Variants in NEUROD1 observed in about 807,000 individuals in gnomAD.
NEUROD1 encodes neurogenic differentiation factor 1.
NEUROD1 carries 9 observed loss-of-function variants against 21.8 expected under a neutral mutation model. That is an observed-to-expected ratio of 0.41 (90% CI 0.25 to 0.72). The LOEUF (loss-of-function observed/expected upper bound fraction) is 0.72. Ranked by LOEUF, NEUROD1 falls within the 30% of genes least tolerant of loss-of-function variation. NEUROD1 has a pLI of 0.31. For synonymous variants in NEUROD1, 199 were observed against 186.2 expected (o/e 1.07, Z -0.56); for missense variants, 434 against 468.8 (o/e 0.93, Z 0.69).
At chr2:181,670,534 C>T (rs1688483555) in exon 2 of NEUROD1, among the ~76,000 whole-genome samples, 1 of 152,078 alleles carries the variant, frequency 6.6e-6, no homozygotes, top group South Asian at 2.1e-4. Flanking sequence ...CTATCAGTTT[C>T]CTAGGGCTGC....
At position 181,670,390 on chromosome 2, in the gene NEUROD1, C is replaced by T. The variant is rs192188183; in HGVS notation, n.3556G>A. Among the ~76,000 whole-genome samples the T allele has an allele frequency of 2.7e-3, 417 of 152,088 alleles. 2 individuals carry two copies. The highest frequency in any genetic ancestry group is 9.3e-3 in the African/African-American group (387 of 41,478). The stretch of plus-strand genomic sequence containing the variant: ...TGTCAGCTTGTTTAAATGTCAAACC[C>T]GATACCAACTACGTATACTGGTTGT... On this transcript the variant is annotated non_coding_transcript_exon_variant, in exon 2 of 2. Transcript: ENST00000496876.
Position 181,678,423 on chromosome 2 carries a change from G to A in NEUROD1, c.438C>T (p.Ala146=). ...CCGACAGAGCCCAGATGTAGTTCTT[G>A]GCCAAGCGCAGAGTCTCGATTTTGG... ...KLSKIETLRL[A]KNYIWALSEI... Residue 146 remains alanine (A), a synonymous_variant, in exon 2 of 2, where the codon GCC becomes GCT. Transcript: ENST00000295108. The surrounding 1 kb of genome is among the most constrained non-coding windows in gnomAD (Gnocchi z 5.5). 6.2e-7 allele frequency: 1 copy of A among 1,614,204 alleles called. No homozygotes were observed. Among genetic ancestry groups the A allele is most frequent in the Non-Finnish European group, 8.5e-7 (1 of 1,180,032 alleles).
Position 181,678,143 on chromosome 2 carries a change from A to C in NEUROD1, c.718T>G (p.Phe240Val). 2 of 1,614,176 alleles carry C rather than the reference A, an allele frequency of 1.2e-6. No homozygotes were observed. The highest frequency in any genetic ancestry group is 1.3e-5 in the African/African-American group (1 of 75,054). Residue 240 changes from phenylalanine to valine, a missense_variant, in exon 2 of 2, where the codon TTC (phenylalanine) becomes GTC (valine). Physicochemically the swap from Phe to Val is conservative, Grantham distance 50. Coordinates refer to ENST00000295108, the MANE Select transcript of NEUROD1 (RefSeq NM_002500.5). The surrounding 1 kb of genome is among the most constrained non-coding windows in gnomAD (Gnocchi z 5.5). ...GCGTGCGGCGGAGGCTTAACGTGGA[A>C]GACATGGGAGCTGTCCATGGTACCG... is the stretch of plus-strand genomic sequence containing the variant. Reference protein sequence around the residue: ...PYGTMDSSHVFHVKPPPHAYS... With the variant: ...PYGTMDSSHVVHVKPPPHAYS...
chr2:181,673,268 A>G (rs1304728233), downstream of NEUROD1: 2 of 152,250 alleles, frequency 1.3e-5, no homozygotes, highest in African/African-American at 4.8e-5. Context: ...GTGTATGTGA[A>G]GAGAGTCCAT....
chr2:181,671,959 T>C (rs1688505664), downstream of NEUROD1, among the ~76,000 whole-genome samples: 1 of 152,184 alleles, frequency 6.6e-6, no homozygotes, highest in Admixed American at 6.5e-5. Flanking sequence ...AAAGATAGTA[T>C]TGATGTGCTA....
rs547506483 is a variant in NEUROD1 at position 181,679,219 on chromosome 2, T to A, written c.-11-348A>T. ...ATGTGTGTGGAAATGACTGTACATTTCAGCGACTTCATGTTTATCCAAATG... is the reference window on the plus strand; with the variant it reads ...ATGTGTGTGGAAATGACTGTACATTACAGCGACTTCATGTTTATCCAAATG... On this transcript the variant is annotated intron_variant, in intron 1 of 1. Transcript: ENST00000295108. 2.0e-5 allele frequency among the ~76,000 whole-genome samples: 3 copies of A among 152,054 alleles called. No individual in the cohort carries two copies. The South Asian group carries it at 6.2e-4, about 32-fold the overall frequency.
Position 181,678,432 on chromosome 2 carries a change from CAG to C in NEUROD1, c.427_428del (p.Leu143AlafsTer55), listed in dbSNP as rs1485945978. 3 of 1,614,230 alleles carry C rather than the reference CAG, an allele frequency of 1.9e-6. No homozygotes were observed. The highest frequency in any genetic ancestry group is 2.5e-6 in the Non-Finnish European group (3 of 1,180,048). On this transcript the variant is annotated frameshift_variant, in exon 2 of 2. Coordinates refer to ENST00000295108, the MANE Select transcript of NEUROD1 (RefSeq NM_002500.5). LOFTEE classifies it high-confidence loss of function. This position sits in a 1 kb window ranked among gnomAD's most constrained non-coding sequence, Gnocchi z 5.5. ...CCCAGATGTAGTTCTTGGCCAAGCG[CAG>C]AGTCTCGATTTTGGACAGCTTCTGC... Reference protein sequence around the residue: ...KTQKLSKIETLRLAKNYIWAL... With the variant: ...KTQKLSKIETXRLAKNYIWAL...
downstream of NEUROD1, among the ~76,000 whole-genome samples, chr2:181,674,130 A>G (rs567345794): frequency 6.6e-6 from 1 of 152,308 alleles, no homozygotes; most frequent in Admixed American, 6.5e-5. Flanking sequence ...TATTTAGCCC[A>G]ATTTCATCTT....
chr2:181,669,554 T>G (rs1356245041), downstream of NEUROD1, among the ~76,000 whole-genome samples: 1 of 152,226 alleles, frequency 6.6e-6, no homozygotes, highest in East Asian at 1.9e-4. Context: ...AATAAAGTCT[T>G]CTTGCATAAC....
intron 1 of NEUROD1, among the ~76,000 whole-genome samples, chr2:181,679,075 G>A (rs1368156413): frequency 6.6e-6 from 1 of 152,208 alleles, no homozygotes; most frequent in Non-Finnish European, 1.5e-5. Context: ...TAGTACGTAG[G>A]AGTGAGGACA....
Position 181,678,034 on chromosome 2 carries a change from G to C in NEUROD1, c.827C>G (p.Pro276Arg). The C allele has an allele frequency of 1.2e-6, 2 of 1,614,174 alleles. No homozygotes were observed. Among genetic ancestry groups the C allele is most frequent in the Non-Finnish European group, 1.7e-6 (2 of 1,180,022 alleles). Reference protein sequence around the residue: ...SPSFDGPLSPPLSINGNFSFK... With the variant: ...SPSFDGPLSPRLSINGNFSFK... ...AGAGAAGTTGCCATTGATGCTGAGC[G>C]GCGGGCTGAGGGGTCCATCAAAGGA... is the stretch of plus-strand genomic sequence containing the variant. Residue 276 changes from proline (P) to arginine (R), a missense_variant, in exon 2 of 2, where the codon CCG (proline) becomes CGG (arginine). Transcript: ENST00000295108. The surrounding 1 kb of genome is among the most constrained non-coding windows in gnomAD (Gnocchi z 5.5).
Position 181,678,522 on chromosome 2 carries a change from G to T in NEUROD1, c.339C>A (p.Arg113=), listed in dbSNP as rs747728930. The T allele has an allele frequency of 2.5e-6, 4 of 1,614,134 alleles. No homozygotes were observed. In the East Asian group the frequency reaches 8.9e-5, roughly 36 times the overall value. The change falls in exon 2 of 2, where the codon CGC becomes CGA. Residue 113 remains arginine (R), a synonymous_variant. Coordinates refer to ENST00000295108, the MANE Select transcript of NEUROD1 (RefSeq NM_002500.5). The surrounding 1 kb of genome is among the most constrained non-coding windows in gnomAD (Gnocchi z 5.5). The part of the protein sequence containing the change: ...RMKANARERN[R]MHGLNAALDN... ...CTAGCGCCGCGTTCAGTCCGTGCATGCGGTTCCGCTCCCGGGCGTTAGCCT... is the reference window on the plus strand; with the variant it reads ...CTAGCGCCGCGTTCAGTCCGTGCATTCGGTTCCGCTCCCGGGCGTTAGCCT...
chr2:181,676,611 G>T lies in NEUROD1; in HGVS notation c.*1179C>A, dbSNP rs1393457882. On this transcript the variant is annotated 3_prime_UTR_variant, in exon 2 of 2. Transcript: ENST00000295108. Reference sequence around the variant, plus strand: ...CACATCTCAAACAGCACTTATTCTGGACTGCATTTTACATGCAATAGCTAT... The same window carrying T: ...CACATCTCAAACAGCACTTATTCTGTACTGCATTTTACATGCAATAGCTAT... 1 of 152,502 alleles carries T rather than the reference G, an allele frequency of 6.6e-6. No homozygotes were observed. The allele number at this position is 152,502 out of a possible 1,614,324, so 9.4% of individuals were successfully genotyped here.
Position 181,678,610 on chromosome 2 carries a change from C to G in NEUROD1, c.251G>C (p.Arg84Pro). 1 of 1,614,160 alleles carries G rather than the reference C, an allele frequency of 6.2e-7. No homozygotes were observed. Among genetic ancestry groups the G allele is most frequent in the Non-Finnish European group, 8.5e-7 (1 of 1,180,020 alleles). The change falls in exon 2 of 2, where the codon CGC (arginine) becomes CCC (proline). Residue 84 changes from arginine to proline, a missense_variant. Physicochemically the swap from Arg to Pro is moderately radical, Grantham distance 103 (BLOSUM62 -2). Transcript: ENST00000295108. This position sits in a 1 kb window ranked among gnomAD's most constrained non-coding sequence, Gnocchi z 5.5. ...EEDDDQKPKR[R>P]GPKKKKMTKA... The stretch of plus-strand genomic sequence containing the variant: ...AGTCATCTTCTTCTTTTTGGGGCCG[C>G]GTCTCTTGGGCTTTTGATCGTCATC...
exon 2 of NEUROD1, among the ~76,000 whole-genome samples, chr2:181,670,913 G>A (rs1688488540): frequency 6.6e-6 from 1 of 151,900 alleles, no homozygotes; most frequent in African/African-American, 2.4e-5. Flanking sequence ...ATTAAATCTG[G>A]AAAGACAATA....
Position 181,678,529 on chromosome 2 carries a change from C to T in NEUROD1, c.332G>A (p.Arg111Gln). ...LRRMKANARERNRMHGLNAAL... is the reference protein window; with the variant it reads ...LRRMKANAREQNRMHGLNAAL... ...CGCGTTCAGTCCGTGCATGCGGTTC[C>T]GCTCCCGGGCGTTAGCCTTCATGCG... Residue 111 changes from arginine to glutamine, a missense_variant, in exon 2 of 2, where the codon CGG (arginine) becomes CAG (glutamine). Coordinates refer to ENST00000295108, the MANE Select transcript of NEUROD1 (RefSeq NM_002500.5). The surrounding 1 kb of genome is among the most constrained non-coding windows in gnomAD (Gnocchi z 5.5). 1.2e-6 allele frequency: 2 copies of T among 1,614,206 alleles called. No individual in the cohort carries two copies. The highest frequency in any genetic ancestry group is 1.7e-6 in the Non-Finnish European group (2 of 1,180,034).
exon 2 of NEUROD1, among the ~76,000 whole-genome samples, chr2:181,671,157 A>G (rs1688492730): frequency 6.6e-6 from 1 of 152,104 alleles, no homozygotes; most frequent in Admixed American, 6.5e-5. Flanking sequence ...TGGGAAGCAA[A>G]GATCTCTTCG....
chr2:181,672,798 A>G (rs1047158355), downstream of NEUROD1, among the ~76,000 whole-genome samples: 10 of 152,230 alleles, frequency 6.6e-5, no homozygotes, highest in Admixed American at 2.6e-4. Context: ...TTGATGATGA[A>G]ATATGAAAGT....
At chr2:181,680,123 T>G (rs1312907710) in intron 1 of NEUROD1, among the ~76,000 whole-genome samples, 1 of 152,236 alleles carries the variant, frequency 6.6e-6, no homozygotes, top group Non-Finnish European at 1.5e-5. Context: ...TTATTGCTTT[T>G]GGGACTTTAA....
Sources: allele counts gnomAD v4.1 joint callset (sites outside exome capture counted in the v4.1 genomes callset), GRCh38; gene constraint gnomAD v4.1.1; non-coding constraint Gnocchi (gnomAD v3.1); transcripts MANE v1.5; gene names NCBI Gene and HGNC (gene_info 2026-07-23, HGNC 2026-07-21).